Variants in NOL6 observed in about 807,000 individuals in gnomAD.
The protein encoded by NOL6 is nucleolar RNA-associated protein.
A neutral mutation model predicts 131.7 loss-of-function variants in NOL6; 33 were observed. The observed-to-expected ratio is 0.25, with a 90% CI of 0.19 to 0.33. The LOEUF (loss-of-function observed/expected upper bound fraction) is 0.33, where lower values mean the gene tolerates loss of function less well. NOL6 is among the 10% of genes least tolerant of loss of function. The pLI is 1.00. For synonymous variants in NOL6, 580 were observed against 605.7 expected (o/e 0.96, Z 0.62); for missense variants, 1,297 against 1,494.5 (o/e 0.87, Z 2.18).
At position 33,469,675 on chromosome 9, in the gene NOL6, G is replaced by A. The variant is rs1244065092; in HGVS notation, c.559-8C>T. On this transcript the variant is annotated splice_polypyrimidine_tract_variant and splice_region_variant and intron_variant, in intron 4 of 25. Coordinates refer to ENST00000297990, the MANE Select transcript of NOL6 (RefSeq NM_022917.5). ...CTTGTCCTGTAGGATTTCCTGGAGG[G>A]GCCAGGGGAGAAGAGAAGGCCAGGC... 2 of 1,604,968 alleles carry A rather than the reference G, an allele frequency of 1.2e-6. No homozygotes were observed. The highest frequency in any genetic ancestry group is 1.1e-5 in the South Asian group (1 of 89,690).
Position 33,472,136 on chromosome 9 carries a change from G to A in NOL6, c.262-16C>T, listed in dbSNP as rs753387080. 6 of 1,613,522 alleles carry A rather than the reference G, an allele frequency of 3.7e-6. No individual in the cohort carries two copies. Among genetic ancestry groups the A allele is most frequent in the Non-Finnish European group, 4.2e-6 (5 of 1,179,374 alleles). The stretch of plus-strand genomic sequence containing the variant: ...GCTCCTCTACCTGTAAGAGAGGGTA[G>A]AAGACAGTCCATCAGCCTCAGGGTC... On this transcript the variant is annotated splice_polypyrimidine_tract_variant and intron_variant, in intron 2 of 25. Transcript: ENST00000297990.
rs766488180 is a variant in NOL6, at chr9:33,463,374, C to T, written c.3062G>A (p.Arg1021Gln). ...LIRLSPRHIP[R>Q]HRQAVDSPAA... ...TGGCGAGTCCACAGCCTGGCGGTGC[C>T]GCGGGATATGGCGAGGAGACAGGCG... The change falls in exon 24 of 26, where the codon CGG becomes CAG. Residue 1021 changes from arginine (R) to glutamine (Q), a missense_variant. By Grantham distance (43) the Arg-to-Gln change is conservative. Coordinates refer to ENST00000297990, the MANE Select transcript of NOL6 (RefSeq NM_022917.5). 1.5e-5 allele frequency: 24 copies of T among 1,613,880 alleles called. No individual in the cohort carries two copies. Among genetic ancestry groups the T allele is most frequent in the African/African-American group, 2.7e-5 (2 of 74,890 alleles).
At position 33,467,117 on chromosome 9, in the gene NOL6, G is replaced by A. The variant is rs769717209; in HGVS notation, c.1871C>T (p.Ala624Val). 6.2e-7 allele frequency: 1 copy of A among 1,614,188 alleles called. No homozygotes were observed. The change falls in exon 14 of 26, where the codon GCA becomes GTA. Residue 624 changes from alanine (A) to valine (V), a missense_variant. Coordinates refer to ENST00000297990, the MANE Select transcript of NOL6 (RefSeq NM_022917.5). The surrounding 1 kb of genome is among the most constrained non-coding windows in gnomAD (Gnocchi z 4.4). The part of the protein sequence containing the change: ...IPHQVVTHLL[A>V]LHADIPETCV... ...GAATCCAGATGCCAACACTCACAGTGCCAAGAGGTGGGTGACCACCTGGTG... is the reference window on the plus strand; with the variant it reads ...GAATCCAGATGCCAACACTCACAGTACCAAGAGGTGGGTGACCACCTGGTG...
At position 33,469,168 on chromosome 9, in the gene NOL6, C is replaced by T. The variant is rs747644239; in HGVS notation, c.862+39G>A. 3.7e-6 allele frequency: 6 copies of T among 1,614,136 alleles called. No homozygotes were observed. In the East Asian group the frequency reaches 1.3e-4, roughly 36 times the overall value. On this transcript the variant is annotated intron_variant, in intron 6 of 25. Transcript: ENST00000297990. The stretch of plus-strand genomic sequence containing the variant: ...CATGAGAGGAAAAGTCCCCACACCT[C>T]TTCCCTCCAGCTCCACCTCAACACC...
intron 8 of NOL6, 82 bp from the exon 9 acceptor site, chr9:33,468,648 T>G: frequency 9.9e-6 from 16 of 1,608,604 alleles, no homozygotes; most frequent in Non-Finnish European, 1.4e-5. Flanking sequence ...GCCGATTCAG[T>G]TTGCTCATCT....
Position 33,467,040 on chromosome 9 carries a change from A to T in NOL6, c.1875-53T>A. The T allele has an allele frequency of 1.9e-6, 3 of 1,613,764 alleles. No individual in the cohort carries two copies. The highest frequency in any genetic ancestry group is 1.1e-5 in the South Asian group (1 of 91,068). On this transcript the variant is annotated intron_variant, in intron 14 of 25. Transcript: ENST00000297990. The surrounding 1 kb of genome is among the most constrained non-coding windows in gnomAD (Gnocchi z 4.4). The stretch of plus-strand genomic sequence containing the variant: ...AAAATTTGGGGCTATGTTCTCGCTC[A>T]ACTGCCTGGGCCAGACCCCTGAAAA...
intron 19 of NOL6, 77 bp downstream of exon 19, chr9:33,465,657 G>A (rs1287496483): frequency 2.0e-6 from 3 of 1,480,182 alleles, no homozygotes; most frequent in African/African-American, 1.4e-5. Context: ...GGCCCCTGGA[G>A]AGACAGGTGG....
chr9:33,469,933 G>GC (rs1827361529), intron 4 of NOL6, 79 bp downstream of exon 4: 3 of 1,391,502 alleles, frequency 2.2e-6, no homozygotes, highest in African/African-American at 1.5e-5. Flanking sequence ...CCCCTGGCAA[G>GC]CGGCAGATAA....
At position 33,468,747 on chromosome 9, in the gene NOL6, C is replaced by T; in HGVS notation, c.1147+5G>A. The T allele has an allele frequency of 6.2e-7, 1 of 1,614,150 alleles. No individual in the cohort carries two copies. The highest frequency in any genetic ancestry group is 8.5e-7 in the Non-Finnish European group (1 of 1,180,000). The stretch of plus-strand genomic sequence containing the variant: ...CCCTGGCCTTTCCCCACCTAGTTGC[C>T]TCACCCAGAAACTGCAAGACACTTC... On this transcript the variant is annotated splice_donor_5th_base_variant and intron_variant, in intron 8 of 25. Transcript: ENST00000297990.
In NOL6 at chr9:33,467,020, T is replaced by C. The variant is rs145937351; in HGVS notation, c.1875-33A>G. ...AGAGGCAGAGACACAGTGAGAAAAT[T>C]TGGGGCTATGTTCTCGCTCAACTGC... On this transcript the variant is annotated intron_variant, in intron 14 of 25. Coordinates refer to ENST00000297990, the MANE Select transcript of NOL6 (RefSeq NM_022917.5). The surrounding 1 kb of genome is among the most constrained non-coding windows in gnomAD (Gnocchi z 4.4). 1,354 of 1,613,920 alleles carry C rather than the reference T, an allele frequency of 8.4e-4. 1 individual carries two copies. The highest frequency in any genetic ancestry group is 2.7e-3 in the African/African-American group (201 of 75,002).
At chr9:33,471,361 C>T (rs987699251) in intron 3 of NOL6, among the ~76,000 whole-genome samples, 5 of 152,248 alleles carry the variant, frequency 3.3e-5, no homozygotes, top group Admixed American at 3.3e-4. Flanking sequence ...CCCAGAGCAA[C>T]AGCCAAAGTC....
Position 33,467,528 on chromosome 9 carries a change from C to T in NOL6, c.1603-12G>A, listed in dbSNP as rs1338284975. 1 of 1,613,938 alleles carries T rather than the reference C, an allele frequency of 6.2e-7. No homozygotes were observed. The highest frequency in any genetic ancestry group is 2.2e-5 in the East Asian group (1 of 44,884). Reference sequence around the variant, plus strand: ...TGGCTGATGTCCCACTGCAGGATTTCAAAAGGCTGAGCTCAGTCCTCCAAT... The same window carrying T: ...TGGCTGATGTCCCACTGCAGGATTTTAAAAGGCTGAGCTCAGTCCTCCAAT... On this transcript the variant is annotated splice_polypyrimidine_tract_variant and intron_variant, in intron 12 of 25. Coordinates refer to ENST00000297990, the MANE Select transcript of NOL6 (RefSeq NM_022917.5). The surrounding 1 kb of genome is among the most constrained non-coding windows in gnomAD (Gnocchi z 4.4).
In NOL6 at chr9:33,467,827, A is replaced by C. The variant is rs1272036665; in HGVS notation, c.1466T>G (p.Leu489Arg). Residue 489 changes from leucine (L) to arginine (R), a missense_variant, in exon 12 of 26, where the codon CTG becomes CGG. Physicochemically the swap from Leu to Arg is moderately radical, Grantham distance 102 (BLOSUM62 -2). Coordinates refer to ENST00000297990, the MANE Select transcript of NOL6 (RefSeq NM_022917.5). This position sits in a 1 kb window ranked among gnomAD's most constrained non-coding sequence, Gnocchi z 4.4. ...LSRLQAACHR[L>R]KLWPELQDNG... ...GTCCTGCAGCTCTGGCCAGAGCTTC[A>C]GCCGGTGGCACGCTGCCTGCAGGCG... The C allele has an allele frequency of 1.2e-6, 2 of 1,602,302 alleles. No individual in the cohort carries two copies. Among genetic ancestry groups the C allele is most frequent in the Admixed American group, 3.4e-5 (2 of 58,336 alleles).
chr9:33,464,141 G>A lies in NOL6; in HGVS notation c.2800C>T (p.Arg934Cys), dbSNP rs749524318. The A allele has an allele frequency of 1.1e-5, 17 of 1,609,558 alleles. No individual in the cohort carries two copies. Among genetic ancestry groups the A allele is most frequent in the South Asian group, 2.2e-5 (2 of 90,298 alleles). Residue 934 changes from arginine (R) to cysteine (C), a missense_variant, in exon 22 of 26, where the codon CGC becomes TGC. By Grantham distance (180) the Arg-to-Cys change is radical (BLOSUM62 -3). Coordinates refer to ENST00000297990, the MANE Select transcript of NOL6 (RefSeq NM_022917.5). ...GCCCGAGCTGCCAGGAAGCCACTGC[G>A]GATCTCCACCTGCTCCTCCACTAGA... Reference protein sequence around the residue: ...ELTVEEQVEIRSGFLAARAQL... With the variant: ...ELTVEEQVEICSGFLAARAQL...
chr9:33,463,759 G>A lies in NOL6; in HGVS notation c.2994+72C>T, dbSNP rs1431536485. 2.7e-5 allele frequency: 40 copies of A among 1,499,316 alleles called. No homozygotes were observed. The East Asian group carries it at 7.9e-4, about 30-fold the overall frequency. 92.9% of individuals were successfully genotyped at this position (1,499,316 alleles called of 1,614,324 possible). On this transcript the variant is annotated intron_variant, in intron 23 of 25. Transcript: ENST00000297990. ...AACAAGGGGACCGGGTCTCCTGTGA[G>A]ATCCCTGAACGCTGAACTTCCAAAG... is the stretch of plus-strand genomic sequence containing the variant.
In NOL6 at chr9:33,465,369, G is replaced by C. The variant is rs1341434201; in HGVS notation, c.2529-10C>G. 6.3e-7 allele frequency: 1 copy of C among 1,579,482 alleles called. No homozygotes were observed. Among genetic ancestry groups the C allele is most frequent in the South Asian group, 1.1e-5 (1 of 87,128 alleles). ...GTGCTGCTGCTGCAGTCTGCAGAGA[G>C]AAGGGGAGTGTCAGCGAGACTCAGG... On this transcript the variant is annotated splice_polypyrimidine_tract_variant and intron_variant, in intron 19 of 25. Transcript: ENST00000297990.
chr9:33,464,835 A>G (rs1302309669), intron 21 of NOL6, 44 bp downstream of exon 21: 1 of 1,415,260 alleles, frequency 7.1e-7, no homozygotes, highest in Non-Finnish European at 1.0e-6. Context: ...GCAATCCATA[A>G]AGAGCTGTTC....
intron 2 of NOL6, 26 bp downstream of exon 2, chr9:33,472,175 TCGAAC>T: frequency 6.2e-7 from 1 of 1,613,682 alleles, no homozygotes; most frequent in South Asian, 1.1e-5. Flanking sequence ...GGTACACACC[TCGAAC>T]AAAAGCTGCA....
rs552033932 is a variant in NOL6, at chr9:33,465,836, A to G, written c.2426T>C (p.Val809Ala). 33 of 1,613,990 alleles carry G rather than the reference A, an allele frequency of 2.0e-5. No homozygotes were observed. The Admixed American group carries it at 5.3e-4, about 26-fold the overall frequency. Residue 809 changes from valine (V) to alanine (A), a missense_variant, in exon 19 of 26, where the codon GTG (valine) becomes GCG (alanine). By Grantham distance (64) the Val-to-Ala change is moderately conservative. Transcript: ENST00000297990. Reference protein sequence around the residue: ...YQREPQILKEVQSPEGMISLR... With the variant: ...YQREPQILKEAQSPEGMISLR... Reference sequence around the variant, plus strand: ...CGAGATCATCCCCTCTGGGCTCTGCACCTCCTTCAGGATCTGGGGCTCCCG... The same window carrying G: ...CGAGATCATCCCCTCTGGGCTCTGCGCCTCCTTCAGGATCTGGGGCTCCCG...
Sources: gnomAD v4.1 joint callset for allele counts (sites outside exome capture counted in the v4.1 genomes callset) on GRCh38, gnomAD v4.1.1 for gene constraint, Gnocchi (gnomAD v3.1) non-coding constraint, MANE v1.5 for transcripts, NCBI Gene and HGNC (gene_info 2026-07-23, HGNC 2026-07-21) for gene names.